Variants in DLG2 observed in about 807,000 individuals in gnomAD.
DLG2 encodes discs large MAGUK scaffold protein 2.
A neutral mutation model predicts 132.5 loss-of-function variants in DLG2; 45 were observed. The observed-to-expected ratio is 0.34, with a 90% CI of 0.27 to 0.44. The LOEUF is 0.44. Among genes scored for constraint, DLG2 ranks in the 20% least tolerant of loss-of-function variants. DLG2 has a pLI of 1.00. For missense variants in DLG2, 1,045 were observed against 1,196.9 expected (o/e 0.87, Z 1.87); for synonymous variants, 424 against 419.6 (o/e 1.01, Z -0.13).
At chr11:83,942,959 G>A (rs1044508901) in intron 14 of DLG2, among the ~76,000 whole-genome samples, 1 of 152,122 alleles carries the variant, frequency 6.6e-6, no homozygotes, top group African/African-American at 2.4e-5. Flanking sequence ...CTGAATCATG[G>A]GGGCAGGTCT....
chr11:84,755,584 C>T (rs558744238), intron 6 of DLG2, among the ~76,000 whole-genome samples: 5 of 152,248 alleles, frequency 3.3e-5, no homozygotes, highest in South Asian at 2.1e-4. Flanking sequence ...CCACCACGCC[C>T]GGCTAATTCT....
intron 3 of DLG2, among the ~76,000 whole-genome samples, chr11:85,522,958 C>A (rs1263882239): frequency 1.3e-5 from 2 of 152,124 alleles, no homozygotes; most frequent in Non-Finnish European, 2.9e-5. Flanking sequence ...GTTGGAAAGG[C>A]AAGATTGTGT....
At chr11:84,391,795 T>TG (rs1274161449) in intron 7 of DLG2, among the ~76,000 whole-genome samples, 1 of 140,982 alleles carries the variant, frequency 7.1e-6, no homozygotes, top group African/African-American at 2.6e-5. Flanking sequence ...CTGTTAATGT[T>TG]AAAAAAAAAA....
chr11:84,384,505 C>T (rs2098760980), intron 7 of DLG2, among the ~76,000 whole-genome samples: 1 of 151,980 alleles, frequency 6.6e-6, no homozygotes, highest in Non-Finnish European at 1.5e-5. Flanking sequence ...TTCAGTCCCT[C>T]CTATTAGAAT....
At chr11:84,518,472 A>G (rs1208263560) in intron 7 of DLG2, among the ~76,000 whole-genome samples, 1 of 152,116 alleles carries the variant, frequency 6.6e-6, no homozygotes, top group Non-Finnish European at 1.5e-5. Flanking sequence ...TCTTCAATAT[A>G]AACATTTCCC....
intron 3 of DLG2, among the ~76,000 whole-genome samples, chr11:85,545,651 T>G (rs1046481000): frequency 6.6e-6 from 1 of 152,220 alleles, no homozygotes; most frequent in African/African-American, 2.4e-5. Flanking sequence ...TATTAATTGC[T>G]GCCTCAACTT....
chr11:83,600,766 G>A (rs1220954022), intron 19 of DLG2, among the ~76,000 whole-genome samples: 3 of 152,208 alleles, frequency 2.0e-5, no homozygotes, highest in Non-Finnish European at 4.4e-5. Context: ...AAGTGAAGGA[G>A]GGAGGAAGGG....
At chr11:84,342,112 C>T (rs1489503846) in intron 7 of DLG2, among the ~76,000 whole-genome samples, 1 of 151,858 alleles carries the variant, frequency 6.6e-6, no homozygotes, top group Non-Finnish European at 1.5e-5. Flanking sequence ...GGGCCAGAGG[C>T]CTGGTGCGTT....
chr11:85,296,009 C>T (rs1254475639), intron 3 of DLG2, among the ~76,000 whole-genome samples: 1 of 152,142 alleles, frequency 6.6e-6, no homozygotes, highest in East Asian at 1.9e-4. Context: ...CAAATTGACT[C>T]TATTGGCCTC....
intron 18 of DLG2, among the ~76,000 whole-genome samples, chr11:83,716,295 A>G (rs538474294): frequency 1.3e-5 from 2 of 152,270 alleles, no homozygotes; most frequent in African/African-American, 4.8e-5. Context: ...AAGCACAGAG[A>G]CTAGAGAATG....
chr11:85,301,473 C>T (rs1322062008), intron 3 of DLG2, among the ~76,000 whole-genome samples: 5 of 152,086 alleles, frequency 3.3e-5, no homozygotes, highest in Non-Finnish European at 5.9e-5. Context: ...ATTCAGATGG[C>T]ATGATCTGGA....
At chr11:84,944,126 G>C (rs1441089610) in intron 6 of DLG2, among the ~76,000 whole-genome samples, 1 of 151,988 alleles carries the variant, frequency 6.6e-6, no homozygotes, top group African/African-American at 2.4e-5. Flanking sequence ...TATGTTATTT[G>C]TTTCTTTTCT....
intron 6 of DLG2, among the ~76,000 whole-genome samples, chr11:84,949,789 T>G (rs2050692618): frequency 6.6e-6 from 1 of 152,146 alleles, no homozygotes; most frequent in African/African-American, 2.4e-5. Flanking sequence ...ACAATTTGTG[T>G]AGTTAACGCA....
chr11:84,330,020 C>A (rs1353018989), intron 7 of DLG2, among the ~76,000 whole-genome samples: 1 of 151,952 alleles, frequency 6.6e-6, no homozygotes, highest in Non-Finnish European at 1.5e-5. Flanking sequence ...ACACCAATCT[C>A]ATAGAATTGT....
At chr11:85,530,584 G>C (rs927168701) in intron 3 of DLG2, among the ~76,000 whole-genome samples, 1 of 152,056 alleles carries the variant, frequency 6.6e-6, no homozygotes, top group African/African-American at 2.4e-5. Context: ...GCCTCCCAAA[G>C]TCCTGGGATT....
At chr11:84,834,857 C>T (rs377728228) in intron 6 of DLG2, among the ~76,000 whole-genome samples, 2 of 150,558 alleles carry the variant, frequency 1.3e-5, no homozygotes, top group East Asian at 2.0e-4. Context: ...GGCAACATTT[C>T]CTAACCTATG....
At chr11:85,493,102 A>G (rs1249286565) in intron 3 of DLG2, among the ~76,000 whole-genome samples, 1 of 152,224 alleles carries the variant, frequency 6.6e-6, no homozygotes, top group Non-Finnish European at 1.5e-5. Context: ...TGAAATAACC[A>G]GAAACAACTA....
rs148885615 is a variant in DLG2, at chr11:83,722,991, GT to G, written c.1825+63698del. Among the ~76,000 whole-genome samples, 225 of 152,288 alleles carry G rather than the reference GT, an allele frequency of 1.5e-3. 1 individual carries two copies. The highest frequency in any genetic ancestry group is 5.1e-3 in the African/African-American group (213 of 41,570). On this transcript the variant is annotated intron_variant, in intron 18 of 27. Coordinates refer to ENST00000376104, the MANE Select transcript of DLG2 (RefSeq NM_001142699.3). ...TTTATGGCCCCTACCAGAAAGATGT[GT>G]GGCTATGTTACATGCATGTGGATGC...
intron 9 of DLG2, among the ~76,000 whole-genome samples, chr11:84,118,870 T>C (rs960845817): frequency 6.6e-6 from 1 of 152,226 alleles, no homozygotes; most frequent in Non-Finnish European, 1.5e-5. Flanking sequence ...TGTTGTTCTA[T>C]CTTGTACTTT....
Sources: gnomAD v4.1 joint callset for allele counts (sites outside exome capture counted in the v4.1 genomes callset) on GRCh38, gnomAD v4.1.1 for gene constraint, MANE v1.5 for transcripts, NCBI Gene and HGNC (gene_info 2026-07-23, HGNC 2026-07-21) for gene names.